SUPT3H: variants seen among roughly 807,000 people sequenced by gnomAD.
SUPT3H encodes SPT3 homolog, SAGA and STAGA complex component.
A neutral mutation model predicts 44.3 loss-of-function variants in SUPT3H; 44 were observed. The observed-to-expected ratio is 0.99, with a 90% CI of 0.78 to 1.28. The LOEUF (loss-of-function observed/expected upper bound fraction) is 1.28. SUPT3H is among the 50% of genes most tolerant of loss of function. The probability of loss-of-function intolerance (pLI) is 0.00; values close to 1 mark genes in which losing one functional copy is unlikely to be tolerated. For synonymous variants in SUPT3H, 124 were observed against 125.6 expected (o/e 0.99, Z 0.09); for missense variants, 380 against 387.1 (o/e 0.98, Z 0.15).
intron 2 of SUPT3H, among the ~76,000 whole-genome samples, chr6:45,111,399 T>C (rs1381159912): frequency 6.6e-6 from 1 of 152,082 alleles, no homozygotes; most frequent in Non-Finnish European, 1.5e-5. Context: ...CACTAACATA[T>C]ATACATTATT....
intron 2 of SUPT3H, among the ~76,000 whole-genome samples, chr6:45,173,250 A>G (rs1293205503): frequency 1.3e-5 from 2 of 152,192 alleles, no homozygotes; most frequent in African/African-American, 4.8e-5. Flanking sequence ...ATCTTACATA[A>G]ACTTAAACAG....
In SUPT3H at chr6:45,080,156, C is replaced by T. The variant is rs80227608; in HGVS notation, c.186+25766G>A. On this transcript the variant is annotated intron_variant, in intron 3 of 10. Coordinates refer to ENST00000371459, the MANE Select transcript of SUPT3H (RefSeq NM_003599.4). Reference sequence around the variant, plus strand: ...GGGCAAAAGATCTGAAGAGACATTTCTCAAAAGAAGACAAACAGTACACAA... The same window carrying T: ...GGGCAAAAGATCTGAAGAGACATTTTTCAAAAGAAGACAAACAGTACACAA... 3.9e-3 allele frequency among the ~76,000 whole-genome samples: 596 copies of T among 152,232 alleles called. 7 individuals are homozygous for T. Among genetic ancestry groups the T allele is most frequent in the African/African-American group, 0.014 (568 of 41,546 alleles).
At chr6:45,026,620 T>C (rs1480317132) in intron 3 of SUPT3H, among the ~76,000 whole-genome samples, 3 of 152,202 alleles carry the variant, frequency 2.0e-5, no homozygotes, top group Admixed American at 2.0e-4. Context: ...ACACTTCTTC[T>C]GAATCTGTAA....
rs1246380465 is a variant in SUPT3H at position 45,066,079 on chromosome 6, G to A, written c.186+39843C>T. On this transcript the variant is annotated intron_variant, in intron 3 of 10. Transcript: ENST00000371459. ...ATCCTCAATAAAATACTGGCAAAACGAATCCAGCAGCACATCAAAAAGCTT... is the reference window on the plus strand; with the variant it reads ...ATCCTCAATAAAATACTGGCAAAACAAATCCAGCAGCACATCAAAAAGCTT... Among the ~76,000 whole-genome samples, 249 of 128,542 alleles carry A rather than the reference G, an allele frequency of 1.9e-3. 1 individual carries two copies. The highest frequency in any genetic ancestry group is 6.8e-3 in the African/African-American group (226 of 33,302). The allele number at this position is 128,542 out of a possible 152,430, so 84.3% of individuals were successfully genotyped here.
chr6:45,040,403 C>T (rs996486981), intron 3 of SUPT3H, among the ~76,000 whole-genome samples: 2 of 152,152 alleles, frequency 1.3e-5, no homozygotes, highest in African/African-American at 2.4e-5. Context: ...TTGCAATCTA[C>T]ATTCGTACAT....
intron 10 of SUPT3H, among the ~76,000 whole-genome samples, chr6:44,915,221 T>C (rs1299623365): frequency 6.6e-6 from 1 of 152,218 alleles, no homozygotes; most frequent in Non-Finnish European, 1.5e-5. Flanking sequence ...TTACACATTT[T>C]TCTTTCCACT....
intron 2 of SUPT3H, among the ~76,000 whole-genome samples, chr6:45,154,392 T>C (rs983974491): frequency 1.3e-5 from 2 of 152,070 alleles, no homozygotes; most frequent in Admixed American, 1.3e-4. Context: ...AAAGGTATCT[T>C]ATGCCAGTGT....
chr6:45,285,333 T>C lies in SUPT3H; in HGVS notation c.101+79868A>G, dbSNP rs533377251. 1.8e-3 allele frequency among the ~76,000 whole-genome samples: 268 copies of C among 152,250 alleles called. 3 individuals are homozygous for C. Among genetic ancestry groups the C allele is most frequent in the African/African-American group, 6.3e-3 (262 of 41,532 alleles). ...TGTCTGCAGATGACATGATTGTATA[T>C]CTAGAAAACCCCACCGTCTCAGCCC... On this transcript the variant is annotated intron_variant, in intron 2 of 10. Transcript: ENST00000371459.
At chr6:45,178,016 G>A (rs935396413) in intron 2 of SUPT3H, among the ~76,000 whole-genome samples, 1 of 152,022 alleles carries the variant, frequency 6.6e-6, no homozygotes, top group Admixed American at 6.6e-5. Flanking sequence ...ATCAACTAAC[G>A]AGCAAAATAA....
intron 10 of SUPT3H, among the ~76,000 whole-genome samples, chr6:44,889,842 A>C (rs1762989953): frequency 6.6e-6 from 1 of 152,298 alleles, no homozygotes; most frequent in Admixed American, 6.5e-5. Flanking sequence ...AAAATGGGAG[A>C]AAATTTTCGC....
At chr6:45,340,355 ACT>A (rs1018702766) in intron 2 of SUPT3H, among the ~76,000 whole-genome samples, 1 of 152,020 alleles carries the variant, frequency 6.6e-6, no homozygotes, top group African/African-American at 2.4e-5. Context: ...ACAAGGTCTC[ACT>A]CTGTCACCCA....
intron 2 of SUPT3H, among the ~76,000 whole-genome samples, chr6:45,215,833 A>C (rs151022747): frequency 1.3e-5 from 2 of 152,226 alleles, no homozygotes; most frequent in African/African-American, 4.8e-5. Flanking sequence ...TAAAGCTTAA[A>C]GGCCAAATAG....
At chr6:45,298,703 G>T (rs888581069) in intron 2 of SUPT3H, among the ~76,000 whole-genome samples, 3 of 151,804 alleles carry the variant, frequency 2.0e-5, no homozygotes, top group Admixed American at 6.6e-5. Context: ...GACTAAAATT[G>T]GCCAATGTAA....
chr6:45,294,733 CAAAAAAAAAAAAAAAAA>C (rs56281990), intron 2 of SUPT3H, among the ~76,000 whole-genome samples: 3 of 36,194 alleles, frequency 8.3e-5, no homozygotes, highest in Admixed American at 1.1e-3. Context: ...ACAATAGCTG[CAAAAAAAAAAAAAAAAA>C]AAAAAAAAAA....
intron 10 of SUPT3H, among the ~76,000 whole-genome samples, chr6:44,896,286 G>C (rs1764119493): frequency 6.6e-6 from 1 of 152,128 alleles, no homozygotes; most frequent in Non-Finnish European, 1.5e-5. Context: ...ATGAATTTCA[G>C]CTTCCTCATC....
chr6:45,285,455 A>T (rs1779058666), intron 2 of SUPT3H, among the ~76,000 whole-genome samples: 1 of 152,164 alleles, frequency 6.6e-6, no homozygotes, highest in Admixed American at 6.5e-5. Flanking sequence ...AATAACAGAC[A>T]AACAGAGAGC....
chr6:45,144,119 A>G (rs910270193), intron 2 of SUPT3H, among the ~76,000 whole-genome samples: 2 of 152,172 alleles, frequency 1.3e-5, no homozygotes, highest in Admixed American at 1.3e-4. Flanking sequence ...TCAGCCATTC[A>G]AAGAAGAACT....
At chr6:45,315,902 G>A (rs1373496061) in intron 2 of SUPT3H, among the ~76,000 whole-genome samples, 1 of 149,194 alleles carries the variant, frequency 6.7e-6, no homozygotes, top group Non-Finnish European at 1.5e-5. Context: ...TCAATGAGTG[G>A]ATAAAGAAGC....
At chr6:44,918,159 A>G (rs1036055892) in intron 10 of SUPT3H, among the ~76,000 whole-genome samples, 1 of 152,138 alleles carries the variant, frequency 6.6e-6, no homozygotes, top group Non-Finnish European at 1.5e-5. Flanking sequence ...CACTCCCACA[A>G]ATAGCCAACA....
Sources: gnomAD v4.1 joint callset for allele counts (sites outside exome capture counted in the v4.1 genomes callset) on GRCh38, gnomAD v4.1.1 for gene constraint, MANE v1.5 for transcripts, NCBI Gene and HGNC (gene_info 2026-07-23, HGNC 2026-07-21) for gene names.